The following RYR2 variants were observed in gnomAD, a reference collection of about 807,000 sequenced individuals.
RYR2 encodes the protein cardiac muscle ryanodine receptor-calcium release channel.
In RYR2, 227 loss-of-function variants were observed where a neutral mutation model predicts 601.1. The observed-to-expected ratio is 0.38, with a 90% CI of 0.34 to 0.42. The LOEUF is 0.42. Ranked by LOEUF, RYR2 falls within the 10% of genes least tolerant of loss-of-function variation. The pLI, the probability that RYR2 is intolerant of heterozygous loss-of-function variation, is 1.00. For synonymous variants in RYR2, 2,223 were observed against 2,175.1 expected, an observed-to-expected ratio of 1.02 and a Z score of -0.61; for missense variants, 4,646 against 6,156.5, an observed-to-expected ratio of 0.75 and a Z score of 8.21.
At chr1:237,602,940 G>A (rs767556419) in intron 35 of RYR2, among the ~76,000 whole-genome samples, 2 of 152,210 alleles carry the variant, frequency 1.3e-5, no homozygotes, top group Non-Finnish European at 1.5e-5. Flanking sequence ...ATGGAAGACA[G>A]TGATTAGAGC....
intron 32 of RYR2, among the ~76,000 whole-genome samples, chr1:237,592,671 G>C (rs1675345423): frequency 1.3e-5 from 2 of 150,352 alleles, no homozygotes; most frequent in South Asian, 4.2e-4. Flanking sequence ...AAAATGTTAT[G>C]TGTCAGAGAA....
At chr1:237,047,463 T>C (rs1448437242) in intron 1 of RYR2, among the ~76,000 whole-genome samples, 2 of 147,288 alleles carry the variant, frequency 1.4e-5, no homozygotes, top group African/African-American at 4.9e-5. Context: ...ATTTCTCCCA[T>C]CTTAAAATGT....
intron 10 of RYR2, among the ~76,000 whole-genome samples, chr1:237,413,815 A>G (rs1704673632): frequency 6.6e-6 from 1 of 152,046 alleles, no homozygotes; most frequent in Admixed American, 6.6e-5. Flanking sequence ...ATATGTCTTC[A>G]GGCAATTCTT....
chr1:237,679,206 G>T (rs150859048), intron 61 of RYR2, among the ~76,000 whole-genome samples: 4 of 152,188 alleles, frequency 2.6e-5, no homozygotes, highest in African/African-American at 7.2e-5. Context: ...TGCTGTATTC[G>T]CAGCCTCTAA....
At chr1:237,447,149 T>A (rs1657456810) in intron 14 of RYR2, among the ~76,000 whole-genome samples, 1 of 152,214 alleles carries the variant, frequency 6.6e-6, no homozygotes, top group East Asian at 1.9e-4. Flanking sequence ...GAGTATTCAG[T>A]GGCACTGCAG....
intron 60 of RYR2, 146 bp downstream of exon 60, chr1:237,674,992 G>T (rs1015768212): frequency 7.1e-6 from 3 of 422,064 alleles, no homozygotes; most frequent in African/African-American, 2.0e-5. Flanking sequence ...AGAGTTCAAC[G>T]GTCAATGGAT....
intron 2 of RYR2, among the ~76,000 whole-genome samples, chr1:237,319,096 A>G (rs1695377871): frequency 6.6e-6 from 1 of 151,946 alleles, no homozygotes; most frequent in Non-Finnish European, 1.5e-5. Flanking sequence ...CCTCTTTAGT[A>G]TATTTATTAT....
At chr1:237,612,784 C>G (rs558794199) in intron 36 of RYR2, among the ~76,000 whole-genome samples, 1 of 152,240 alleles carries the variant, frequency 6.6e-6, no homozygotes, top group Non-Finnish European at 1.5e-5. Context: ...ATGCTATCAT[C>G]GAAAACCAAC....
At chr1:237,235,175 T>C (rs1404562630) in intron 1 of RYR2, among the ~76,000 whole-genome samples, 1 of 152,162 alleles carries the variant, frequency 6.6e-6, no homozygotes, top group Non-Finnish European at 1.5e-5. Context: ...TGCAAAAGAG[T>C]AGAAAACATT....
chr1:237,062,421 T>C (rs1662993399), intron 1 of RYR2, among the ~76,000 whole-genome samples: 1 of 152,220 alleles, frequency 6.6e-6, no homozygotes, highest in Admixed American at 6.5e-5. Flanking sequence ...TCTCAGTATT[T>C]GCACTTAGTT....
chr1:237,428,391 C>T (rs1706426883), intron 12 of RYR2, among the ~76,000 whole-genome samples: 1 of 152,114 alleles, frequency 6.6e-6, no homozygotes, highest in South Asian at 2.1e-4. Context: ...AAATGTGGTA[C>T]ATACACCATG....
intron 4 of RYR2, among the ~76,000 whole-genome samples, chr1:237,360,053 A>G (rs1310103778): frequency 1.3e-5 from 2 of 152,258 alleles, no homozygotes; most frequent in Non-Finnish European, 2.9e-5. Flanking sequence ...GTTAAAATCC[A>G]TAATCATTTC....
At chr1:237,707,733 A>G (rs1056365672) in intron 68 of RYR2, among the ~76,000 whole-genome samples, 3 of 152,134 alleles carry the variant, frequency 2.0e-5, no homozygotes, top group African/African-American at 4.8e-5. Context: ...AATAAGTTGT[A>G]TACATCTACA....
At chr1:237,110,520 G>GT (rs376217932) in intron 1 of RYR2, among the ~76,000 whole-genome samples, 2 of 151,430 alleles carry the variant, frequency 1.3e-5, no homozygotes, top group Admixed American at 6.6e-5. Flanking sequence ...GCGGTGTATG[G>GT]TTTTTTGTCC....
chr1:237,567,695 T>C lies in RYR2; in HGVS notation c.3423+920T>C, dbSNP rs991025500. On this transcript the variant is annotated intron_variant, in intron 28 of 104. Transcript: ENST00000366574. Reference sequence around the variant, plus strand: ...GGTAAAATCATAGATTTTTTTAAAGTCTTCTTTTTTTTTTATTTTTTAAGT... The same window carrying C: ...GGTAAAATCATAGATTTTTTTAAAGCCTTCTTTTTTTTTTATTTTTTAAGT... Among the ~76,000 whole-genome samples the C allele has an allele frequency of 1.1e-3, 173 of 151,732 alleles. 1 individual carries two copies. The highest frequency in any genetic ancestry group is 4.0e-3 in the African/African-American group (166 of 41,314).
intron 25 of RYR2, among the ~76,000 whole-genome samples, chr1:237,535,888 A>G (rs1046168092): frequency 2.0e-5 from 3 of 152,236 alleles, no homozygotes; most frequent in Non-Finnish European, 2.9e-5. Flanking sequence ...TTTTTTATTT[A>G]TAAGCATATA....
chr1:237,667,244 T>C (rs951486355), intron 57 of RYR2, among the ~76,000 whole-genome samples: 5 of 152,224 alleles, frequency 3.3e-5, no homozygotes, highest in Non-Finnish European at 7.3e-5. Flanking sequence ...ATTAGCATTG[T>C]TGGTAACTGT....
intron 17 of RYR2, among the ~76,000 whole-genome samples, chr1:237,490,696 A>G (rs1302886789): frequency 6.6e-6 from 1 of 152,208 alleles, no homozygotes; most frequent in African/African-American, 2.4e-5. Context: ...CTGAATATAT[A>G]TTTGTGTTTT....
intron 1 of RYR2, among the ~76,000 whole-genome samples, chr1:237,161,371 A>C (rs1675994593): frequency 6.6e-6 from 1 of 151,950 alleles, no homozygotes; most frequent in Non-Finnish European, 1.5e-5. Context: ...AAAAAAGAAA[A>C]CATTGTGCAC....
Sources: gnomAD v4.1 joint callset for allele counts (sites outside exome capture counted in the v4.1 genomes callset) on GRCh38, gnomAD v4.1.1 for gene constraint, MANE v1.5 for transcripts, NCBI Gene and HGNC (gene_info 2026-07-23, HGNC 2026-07-21) for gene names.